MYOM1: variants seen among roughly 807,000 people sequenced by gnomAD.
MYOM1 encodes the protein myomesin 1.
In MYOM1, 164 loss-of-function variants were observed where a neutral mutation model predicts 205.3. The ratio of observed to expected loss-of-function variants is 0.80; its 90% CI spans 0.70 to 0.91. The LOEUF (loss-of-function observed/expected upper bound fraction) is 0.91. Ranked by LOEUF, MYOM1 falls within the 40% of genes least tolerant of loss-of-function variation. The probability of loss-of-function intolerance (pLI) is 0.00; values close to 1 mark genes in which losing one functional copy is unlikely to be tolerated. For synonymous variants in MYOM1, 772 were observed against 789.4 expected (o/e 0.98, Z 0.37); for missense variants, 2,011 against 2,127.3 (o/e 0.95, Z 1.08).
chr18:3,202,348 TA>T (rs199798013), intron 2 of MYOM1, among the ~76,000 whole-genome samples: 6,551 of 152,090 alleles, frequency 0.043, 414 homozygotes, highest in African/African-American at 0.14. Flanking sequence ...TTAGCAAACG[TA>T]AATGGAATAA....
rs1453531530 is a variant in MYOM1, at chr18:3,084,026, G to C, written c.4341C>G (p.Ala1447=). The change falls in exon 32 of 38, where the codon GCC becomes GCG. Residue 1447 remains alanine, a splice_region_variant and synonymous_variant. Coordinates refer to ENST00000356443, the MANE Select transcript of MYOM1 (RefSeq NM_003803.4). Reference sequence around the variant, plus strand: ...ATACTTCCATCATCAGTTCCTTAAAGGCTGTGGAGAGAGATTCAGAGCCAA... The same window carrying C: ...ATACTTCCATCATCAGTTCCTTAAACGCTGTGGAGAGAGATTCAGAGCCAA... ...DKSRLKLVDE[A]FKELMMEVCK... 1.3e-6 allele frequency: 2 copies of C among 1,579,816 alleles called. No individual in the cohort carries two copies. The highest frequency in any genetic ancestry group is 1.7e-6 in the Non-Finnish European group (2 of 1,161,188).
rs761722591 is a variant in MYOM1 at position 3,188,965 on chromosome 18, G to A, written c.554C>T (p.Thr185Met). The change falls in exon 4 of 38, where the codon ACG (threonine) becomes ATG (methionine). Residue 185 changes from threonine to methionine, a missense_variant. Thr to Met is a moderately conservative substitution (Grantham distance 81, BLOSUM62 -1). Transcript: ENST00000356443. ...EEGITTSKQS[T>M]ASKQTTASKQ... ...AGATGCCGTGGTCTGCTTGGATGCC[G>A]TGGACTGTTTAGATGTTGTGATTCC... The A allele has an allele frequency of 2.8e-5, 45 of 1,613,126 alleles. No individual in the cohort carries two copies. In the African/African-American group the frequency reaches 2.8e-4, roughly 10 times the overall value.
At chr18:3,070,080 T>TA (rs2078942214) in intron 37 of MYOM1, among the ~76,000 whole-genome samples, 1 of 152,210 alleles carries the variant, frequency 6.6e-6, no homozygotes, top group Non-Finnish European at 1.5e-5. Flanking sequence ...CCCTTTGAAG[T>TA]GGAAAATTTG....
intron 26 of MYOM1, among the ~76,000 whole-genome samples, chr18:3,092,173 A>AT (rs1159023602): frequency 6.6e-6 from 1 of 151,828 alleles, no homozygotes; most frequent in Non-Finnish European, 1.5e-5. Flanking sequence ...GAACTAATAC[A>AT]TGAAAAAAAA....
Position 3,094,188 on chromosome 18 carries a change from CT to C in MYOM1, c.3845del (p.Lys1282ArgfsTer83). On this transcript the variant is annotated frameshift_variant, in exon 26 of 38. Coordinates refer to ENST00000356443, the MANE Select transcript of MYOM1 (RefSeq NM_003803.4). LOFTEE classifies it high-confidence loss of function. Reference protein sequence around the residue: ...NAKVNYIFNEKEIFEGPKYKM... With the variant: ...NAKVNYIFNEXEIFEGPKYKM... The stretch of plus-strand genomic sequence containing the variant: ...AACCTACCGGGCCTTCAAAAATTTC[CT>C]TCTCGTTAAATATGTAGTTGACTTT... 1.2e-6 allele frequency: 2 copies of C among 1,613,896 alleles called. No individual in the cohort carries two copies. The highest frequency in any genetic ancestry group is 1.7e-6 in the Non-Finnish European group (2 of 1,179,860).
rs117897417 is a variant in MYOM1 at position 3,137,514 on chromosome 18, T to C, written c.2026-1784A>G. Among the ~76,000 whole-genome samples, 10 of 152,298 alleles carry C rather than the reference T, an allele frequency of 6.6e-5. No homozygotes were observed. In the East Asian group the frequency reaches 1.3e-3, roughly 21 times the overall value. On this transcript the variant is annotated intron_variant, in intron 14 of 37. Transcript: ENST00000356443. ...ACAAAAAAGAATGAAGTACTGTCAT[T>C]TGCAGCAATATGAATATAATTGGAG...
In MYOM1 at chr18:3,129,494, A is replaced by G. The variant is rs1482566677; in HGVS notation, c.2532T>C (p.Cys844=). 1 of 1,613,462 alleles carries G rather than the reference A, an allele frequency of 6.2e-7. No individual in the cohort carries two copies. Among genetic ancestry groups the G allele is most frequent in the Non-Finnish European group, 8.5e-7 (1 of 1,179,588 alleles). The change falls in exon 18 of 38, where the codon TGT becomes TGC. Residue 844 remains cysteine (C), a synonymous_variant. Transcript: ENST00000356443. ...AIGGGVSPDV[C]PALSDEPGGL... is the part of the protein sequence containing the mutation. Reference sequence around the variant, plus strand: ...CACCAGGCTCATCGCTCAGTGCGGGACACACATCTGGAGACACTCCTCCCC... The same window carrying G: ...CACCAGGCTCATCGCTCAGTGCGGGGCACACATCTGGAGACACTCCTCCCC...
At chr18:3,157,838 C>T (rs1297319367) in intron 10 of MYOM1, among the ~76,000 whole-genome samples, 1 of 151,900 alleles carries the variant, frequency 6.6e-6, no homozygotes, top group Non-Finnish European at 1.5e-5. Flanking sequence ...GCAGCTGCTA[C>T]ACAGTGTGGG....
At chr18:3,246,930 G>C in the MYOM1 span, 1 of 152,160 alleles carries the variant, frequency 6.6e-6, no homozygotes, top group African/African-American at 2.4e-5. Flanking sequence ...AAGATTCATC[G>C]TTACGAATTG....
chr18:3,095,539 G>C (rs2079291807), intron 25 of MYOM1, among the ~76,000 whole-genome samples: 1 of 152,192 alleles, frequency 6.6e-6, no homozygotes, highest in African/African-American at 2.4e-5. Context: ...CTGCACTCCA[G>C]CCTGGGCAAC....
At chr18:3,159,911 T>C (rs796865115) in intron 10 of MYOM1, among the ~76,000 whole-genome samples, 36 of 111,014 alleles carry the variant, frequency 3.2e-4, no homozygotes, top group Non-Finnish European at 4.7e-4. Flanking sequence ...CCTTCCTTCC[T>C]TCCTTCCTTC....
chr18:3,235,917 G>A, the MYOM1 span, among the ~76,000 whole-genome samples: 2 of 152,204 alleles, frequency 1.3e-5, no homozygotes, highest in African/African-American at 4.8e-5. Context: ...TGAAGAAAGA[G>A]CATTGAAATC....
intron 22 of MYOM1, among the ~76,000 whole-genome samples, chr18:3,110,111 T>C (rs188520955): frequency 8.5e-5 from 13 of 152,388 alleles, no homozygotes; most frequent in Admixed American, 2.0e-4. Context: ...CACGTTCCTA[T>C]ACATTTTGTA....
chr18:3,094,222 CCAGA>C lies in MYOM1; in HGVS notation c.3808_3811del (p.Ser1270AlafsTer94), dbSNP rs2079267026. The C allele has an allele frequency of 6.2e-7, 1 of 1,613,954 alleles. No homozygotes were observed. The highest frequency in any genetic ancestry group is 1.1e-5 in the South Asian group (1 of 91,080). ...AAATATGTAGTTGACTTTGGCATTG[CCAGA>C]CAGTTTCTCAGCCTGCATCCAAAAC... On this transcript the variant is annotated frameshift_variant, in exon 26 of 38. Transcript: ENST00000356443. LOFTEE classifies it high-confidence loss of function.
intron 2 of MYOM1, among the ~76,000 whole-genome samples, chr18:3,207,304 C>T (rs950653412): frequency 2.0e-5 from 3 of 152,148 alleles, no homozygotes; most frequent in Admixed American, 6.5e-5. Flanking sequence ...TGAATTTAAT[C>T]GGACTACATT....
At chr18:3,103,546 A>G (rs1423541783) in intron 22 of MYOM1, among the ~76,000 whole-genome samples, 8 of 152,210 alleles carry the variant, frequency 5.3e-5, no homozygotes. Flanking sequence ...TACTCATTCA[A>G]TTGCCAGTCT....
intron 13 of MYOM1, among the ~76,000 whole-genome samples, chr18:3,142,858 G>C (rs1317617684): frequency 6.6e-6 from 1 of 152,136 alleles, no homozygotes; most frequent in African/African-American, 2.4e-5. Context: ...GTAAAGTTTA[G>C]GACAGTTTTA....
In MYOM1 at chr18:3,215,174, T is replaced by A. The variant is rs201441539; in HGVS notation, c.50A>T (p.Tyr17Phe). Residue 17 changes from tyrosine to phenylalanine, a missense_variant, in exon 2 of 38, where the codon TAC (tyrosine) becomes TTC (phenylalanine). By Grantham distance (22) the Tyr-to-Phe change is conservative. Transcript: ENST00000356443. Reference sequence around the variant, plus strand: ...GGTGCTGCGCACGTCCTTGTTGCGGTAGCTGAGATCATAGTGCTGGTGGCA... The same window carrying A: ...GGTGCTGCGCACGTCCTTGTTGCGGAAGCTGAGATCATAGTGCTGGTGGCA... ...QRCHQHYDLS[Y>F]RNKDVRSTVS... is the part of the protein sequence containing the mutation. 6.2e-7 allele frequency: 1 copy of A among 1,613,386 alleles called. No individual in the cohort carries two copies. Among genetic ancestry groups the A allele is most frequent in the Admixed American group, 1.7e-5 (1 of 59,928 alleles).
chr18:3,186,554 T>C lies in MYOM1; in HGVS notation c.929+926A>G, dbSNP rs192940166. 1.3e-4 allele frequency among the ~76,000 whole-genome samples: 20 copies of C among 152,296 alleles called. No homozygotes were observed. In the East Asian group the frequency reaches 3.7e-3, roughly 28 times the overall value. On this transcript the variant is annotated intron_variant, in intron 5 of 37. Coordinates refer to ENST00000356443, the MANE Select transcript of MYOM1 (RefSeq NM_003803.4). ...TTAGGGATCAAAAAGTCATTGACAA[T>C]TGCAATAGGATATATTATGAAGGAG...
Sources: gnomAD v4.1 joint callset for allele counts (sites outside exome capture counted in the v4.1 genomes callset) on GRCh38, gnomAD v4.1.1 for gene constraint, MANE v1.5 for transcripts, NCBI Gene and HGNC (gene_info 2026-07-23, HGNC 2026-07-21) for gene names.